SCLT1: variants seen among roughly 807,000 people sequenced by gnomAD.
SCLT1 encodes the protein sodium channel and clathrin linker 1.
In SCLT1, 78 loss-of-function variants were observed where a neutral mutation model predicts 112.8. The observed-to-expected ratio is 0.69, with a 90% CI of 0.58 to 0.83. The LOEUF (loss-of-function observed/expected upper bound fraction) is 0.83, where lower values mean the gene tolerates loss of function less well. Among genes scored for constraint, SCLT1 ranks in the 40% least tolerant of loss-of-function variants. The pLI, the probability that SCLT1 is intolerant of heterozygous loss-of-function variation, is 0.00. For synonymous variants in SCLT1, 257 were observed against 254.7 expected (o/e 1.01, Z -0.09); for missense variants, 747 against 770.4 (o/e 0.97, Z 0.36).
chr4:128,901,513 G>A (rs1036099917), intron 18 of SCLT1, among the ~76,000 whole-genome samples: 5 of 104,386 alleles, frequency 4.8e-5, no homozygotes, highest in Non-Finnish European at 7.4e-5. Context: ...ACACACCAGG[G>A]CCTATTGTGG....
In SCLT1 at chr4:129,027,914, C is replaced by A. The variant is rs542464712; in HGVS notation, c.290+11127G>T. ...AACAGAGAGCCAAATCATGAGTGAA[C>A]TCCCATTCACAATTGCTTCAAAGAG... On this transcript the variant is annotated intron_variant, in intron 5 of 20. Coordinates refer to ENST00000281142, the MANE Select transcript of SCLT1 (RefSeq NM_144643.4). Among the ~76,000 whole-genome samples the A allele has an allele frequency of 3.8e-4, 58 of 152,290 alleles. No individual in the cohort carries two copies. The East Asian group carries it at 9.4e-3, about 25-fold the overall frequency.
intron 9 of SCLT1, among the ~76,000 whole-genome samples, chr4:128,977,894 A>G (rs1741313352): frequency 6.6e-6 from 1 of 152,150 alleles, no homozygotes; most frequent in Non-Finnish European, 1.5e-5. Context: ...TGGAGAATGA[A>G]TTGCGATGGA....
chr4:129,056,526 A>G (rs1001247940), intron 2 of SCLT1, among the ~76,000 whole-genome samples: 2 of 152,120 alleles, frequency 1.3e-5, no homozygotes, highest in African/African-American at 4.8e-5. Flanking sequence ...ACATTTATAT[A>G]TTTACTTATA....
chr4:128,966,296 T>C (rs1167809299), intron 10 of SCLT1, among the ~76,000 whole-genome samples: 1 of 152,118 alleles, frequency 6.6e-6, no homozygotes. Flanking sequence ...TCTATTGCTT[T>C]TAGCTATATC....
At chr4:128,896,972 GA>G (rs1259901671) in intron 18 of SCLT1, among the ~76,000 whole-genome samples, 1 of 152,058 alleles carries the variant, frequency 6.6e-6, no homozygotes, top group South Asian at 2.1e-4. Flanking sequence ...GAAGTTTAGA[GA>G]AAAAAGAATA....
At chr4:128,882,964 T>C (rs924926775), downstream of SCLT1, among the ~76,000 whole-genome samples, 1 of 151,936 alleles carries the variant, frequency 6.6e-6, no homozygotes, top group Non-Finnish European at 1.5e-5. Context: ...CTCACCAAGA[T>C]GGTGAAACCC....
At chr4:129,002,365 A>C (rs1190740305) in intron 6 of SCLT1, among the ~76,000 whole-genome samples, 2 of 152,098 alleles carry the variant, frequency 1.3e-5, no homozygotes, top group Non-Finnish European at 2.9e-5. Context: ...GGATATATTT[A>C]ACATAGCTGC....
intron 2 of SCLT1, among the ~76,000 whole-genome samples, chr4:129,049,564 G>A (rs1322593124): frequency 6.6e-6 from 1 of 150,524 alleles, no homozygotes; most frequent in African/African-American, 2.4e-5. Context: ...CACGAGCATG[G>A]CACATGTATA....
chr4:128,949,799 T>C (rs1738549153), intron 14 of SCLT1, among the ~76,000 whole-genome samples: 1 of 152,036 alleles, frequency 6.6e-6, no homozygotes, highest in Non-Finnish European at 1.5e-5. Flanking sequence ...TTTGGGTTGG[T>C]TCCAAGTCTT....
chr4:128,937,033 C>G (rs550723439), intron 17 of SCLT1, among the ~76,000 whole-genome samples, 182 bp from the exon 18 acceptor site: 3 of 152,208 alleles, frequency 2.0e-5, no homozygotes, highest in South Asian at 4.2e-4. Context: ...AATCCCAGCA[C>G]TTTGGGAGGC....
intron 8 of SCLT1, among the ~76,000 whole-genome samples, chr4:128,993,355 G>A (rs1020088079): frequency 1.3e-5 from 2 of 152,058 alleles, no homozygotes; most frequent in Non-Finnish European, 2.9e-5. Flanking sequence ...ACATGATTGA[G>A]TACATCACAG....
intron 2 of SCLT1, among the ~76,000 whole-genome samples, chr4:129,072,226 AC>A (rs1358601073): frequency 6.6e-6 from 1 of 152,160 alleles, no homozygotes; most frequent in Non-Finnish European, 1.5e-5. Flanking sequence ...ATTTTGTCTC[AC>A]AGGTCTTAAG....
In SCLT1 at chr4:128,943,006, G is replaced by T. The variant is rs1313944682; in HGVS notation, c.1622C>A (p.Ala541Asp). The stretch of plus-strand genomic sequence containing the variant: ...TAGTCTTGAAAATACCTTTACTTTG[G>T]CTTTTTTTTGAGCCTCCAGGGCAAT... ...RKIALEAQKK[A>D]KVKISTMEHE... The change falls in exon 17 of 21, where the codon GCC becomes GAC. Residue 541 changes from alanine to aspartate, a missense_variant. Ala to Asp is a moderately radical substitution (Grantham distance 126, BLOSUM62 -2). This residue lies in a region of SCLT1 where 723 missense variants were observed against 721.3 expected (regional missense o/e 1.00). Transcript: ENST00000281142. 1.2e-6 allele frequency: 2 copies of T among 1,602,128 alleles called. No homozygotes were observed. Among genetic ancestry groups the T allele is most frequent in the African/African-American group, 1.3e-5 (1 of 74,112 alleles).
chr4:128,990,015 T>C (rs1742425419), intron 9 of SCLT1, among the ~76,000 whole-genome samples: 1 of 151,788 alleles, frequency 6.6e-6, no homozygotes, highest in Non-Finnish European at 1.5e-5. Context: ...CTGGATTCTG[T>C]TGAACATTTA....
At chr4:128,879,247 T>C (rs915228645), downstream of SCLT1, among the ~76,000 whole-genome samples, 1 of 152,184 alleles carries the variant, frequency 6.6e-6, no homozygotes, top group Non-Finnish European at 1.5e-5. Context: ...ATCCTTGAAC[T>C]GCAAGGACAG....
intron 19 of SCLT1, among the ~76,000 whole-genome samples, chr4:128,889,390 A>G (rs1733138412): frequency 6.6e-6 from 1 of 152,226 alleles, no homozygotes; most frequent in Non-Finnish European, 1.5e-5. Flanking sequence ...AGGAAAGACA[A>G]GTTGAAGACA....
At chr4:129,040,945 C>T (rs1747646206) in intron 4 of SCLT1, among the ~76,000 whole-genome samples, 1 of 152,024 alleles carries the variant, frequency 6.6e-6, no homozygotes, top group South Asian at 2.1e-4. Flanking sequence ...AGTGATCAAC[C>T]TTTGGCGGTA....
chr4:128,956,866 C>T (rs1488847026), intron 13 of SCLT1, among the ~76,000 whole-genome samples, 160 bp downstream of exon 13: 4 of 151,912 alleles, frequency 2.6e-5, no homozygotes, highest in Non-Finnish European at 5.9e-5. Flanking sequence ...TTACTCAGTT[C>T]CTTTAGTTAG....
At chr4:128,957,601 C>A (rs145395593) in intron 12 of SCLT1, among the ~76,000 whole-genome samples, 2 of 152,060 alleles carry the variant, frequency 1.3e-5, no homozygotes, top group African/African-American at 2.4e-5. Context: ...TCATTTCCAT[C>A]CTCCACCAAA....
Sources: gnomAD v4.1 joint callset for allele counts (sites outside exome capture counted in the v4.1 genomes callset) on GRCh38, gnomAD v4.1.1 for gene constraint, gnomAD v4.1.1 regional missense constraint, MANE v1.5 for transcripts, NCBI Gene and HGNC (gene_info 2026-07-23, HGNC 2026-07-21) for gene names.